LIMCH1: variants seen among roughly 807,000 people sequenced by gnomAD.
The protein encoded by LIMCH1 is LIM and calponin homology domains-containing protein 1.
LIMCH1 carries 113 observed loss-of-function variants against 176.5 expected under a neutral mutation model. That is an observed-to-expected ratio of 0.64 (90% CI 0.55 to 0.75). The LOEUF (loss-of-function observed/expected upper bound fraction) is 0.75. LIMCH1 is among the 30% of genes least tolerant of loss of function. LIMCH1 has a pLI of 0.00. For synonymous variants in LIMCH1, 619 were observed against 645.9 expected, an observed-to-expected ratio of 0.96 and a Z score of 0.63; for missense variants, 1,674 against 1,814.9, an observed-to-expected ratio of 0.92 and a Z score of 1.41.
At chr4:41,481,263 T>C (rs1388926122) in intron 1 of LIMCH1, among the ~76,000 whole-genome samples, 1 of 152,168 alleles carries the variant, frequency 6.6e-6, no homozygotes, top group African/African-American at 2.4e-5. Flanking sequence ...GGAACTATTG[T>C]TATTAAAGAA....
intron 1 of LIMCH1, among the ~76,000 whole-genome samples, chr4:41,446,334 C>CT (rs2063286421): frequency 1.3e-5 from 2 of 152,128 alleles, no homozygotes; most frequent in Non-Finnish European, 2.9e-5. Flanking sequence ...ACCTCTGAGT[C>CT]TATTAGTGTC....
Position 41,650,546 on chromosome 4 carries a change from C to G in LIMCH1, c.2974C>G (p.Gln992Glu). 6.2e-7 allele frequency: 1 copy of G among 1,613,952 alleles called. No homozygotes were observed. The highest frequency in any genetic ancestry group is 1.1e-5 in the South Asian group (1 of 91,062). Residue 992 changes from glutamine to glutamate, a missense_variant, in exon 18 of 32, where the codon CAA becomes GAA. Gln to Glu is a conservative substitution (Grantham distance 29). Around this residue, in one of 3 missense-constraint regions of LIMCH1, gnomAD observed 1,015 missense variants for 1,102.5 expected, o/e 0.92. Coordinates refer to ENST00000503057, the MANE Select transcript of LIMCH1 (RefSeq NM_001330672.2). Reference protein sequence around the residue: ...RVHGSPLELKQDNGSIEINIK... With the variant: ...RVHGSPLELKEDNGSIEINIK... ...GCACGGGTCTCCACTGGAGCTGAAA[C>G]AAGACAACGGTAGCATCGAGATCAA...
At chr4:41,419,434 A>G (rs2060250208) in intron 1 of LIMCH1, among the ~76,000 whole-genome samples, 1 of 152,002 alleles carries the variant, frequency 6.6e-6, no homozygotes, top group Non-Finnish European at 1.5e-5. Flanking sequence ...TCGGCCTCCC[A>G]AAGTGCTGGG....
intron 10 of LIMCH1, 83 bp downstream of exon 10, chr4:41,631,560 AG>A (rs2093327767): frequency 7.0e-6 from 8 of 1,135,976 alleles, no homozygotes; most frequent in Non-Finnish European, 9.7e-6. Context: ...ACATTATACA[AG>A]CCCCTAGAGA....
chr4:41,535,586 C>A (rs1400100445), upstream of LIMCH1, among the ~76,000 whole-genome samples: 1 of 152,100 alleles, frequency 6.6e-6, no homozygotes, highest in Admixed American at 6.6e-5. Context: ...AACTTAATTA[C>A]CTTCTTACAG....
chr4:41,696,961 G>A (rs1019548786), intron 31 of LIMCH1, among the ~76,000 whole-genome samples, 199 bp from the exon 32 acceptor site: 2 of 152,130 alleles, frequency 1.3e-5, no homozygotes, highest in Non-Finnish European at 2.9e-5. Context: ...TTAAGAGCCC[G>A]GATTTCAAAC....
At chr4:41,683,895 T>C (rs1718377265) in intron 26 of LIMCH1, among the ~76,000 whole-genome samples, 1 of 152,258 alleles carries the variant, frequency 6.6e-6, no homozygotes, top group South Asian at 2.1e-4. Context: ...CCTTCATTTT[T>C]GCAATTTTTT....
intron 24 of LIMCH1, 119 bp downstream of exon 24, chr4:41,680,217 C>A: frequency 1.5e-6 from 1 of 683,950 alleles, no homozygotes; most frequent in Non-Finnish European, 2.6e-6. Flanking sequence ...TTACTGACAG[C>A]AGAATCCCAT....
At position 41,698,940 on chromosome 4, in the gene LIMCH1, GA is replaced by G. The variant is rs1180011546; in HGVS notation, c.*1756del. On this transcript the variant is annotated 3_prime_UTR_variant, in exon 32 of 32. Coordinates refer to ENST00000503057, the MANE Select transcript of LIMCH1 (RefSeq NM_001330672.2). ...GATGAAGTCACTTCCAAGTTTCCAA[GA>G]CTTCTCATGGAGGTGTTTGCTGTTT... 2 of 152,262 alleles carry G rather than the reference GA, an allele frequency of 1.3e-5. No individual in the cohort carries two copies. Among genetic ancestry groups the G allele is most frequent in the Admixed American group, 1.3e-4 (2 of 15,242 alleles). The allele number at this position is 152,262 out of a possible 1,614,324, so 9.4% of individuals were successfully genotyped here.
chr4:41,690,328 G>A (rs971130627), intron 30 of LIMCH1, among the ~76,000 whole-genome samples: 9 of 152,046 alleles, frequency 5.9e-5, no homozygotes, highest in Admixed American at 5.2e-4. Context: ...ATATTTTTAC[G>A]TGAATGAATT....
chr4:41,429,998 T>G (rs2061452847), intron 1 of LIMCH1, among the ~76,000 whole-genome samples: 1 of 152,184 alleles, frequency 6.6e-6, no homozygotes. Context: ...TAACTTCACA[T>G]GGATGGGCAG....
chr4:41,523,674 G>A (rs985533918), intron 2 of LIMCH1, among the ~76,000 whole-genome samples: 1 of 152,146 alleles, frequency 6.6e-6, no homozygotes, highest in Admixed American at 6.5e-5. Flanking sequence ...TTTATAAGTT[G>A]CTTTCCTTGT....
At chr4:41,366,465 A>T (rs2053002270) in intron 1 of LIMCH1, among the ~76,000 whole-genome samples, 1 of 152,116 alleles carries the variant, frequency 6.6e-6, no homozygotes, top group Non-Finnish European at 1.5e-5. Flanking sequence ...GTTCCTTAGG[A>T]TGTGTGTGTG....
rs1307806345 is a variant in LIMCH1 at position 41,662,896 on chromosome 4, A to C, written c.3203A>C (p.Gln1068Pro). Residue 1068 changes from glutamine to proline, a missense_variant, in exon 20 of 32, where the codon CAG becomes CCG. By Grantham distance (76) the Gln-to-Pro change is moderately conservative (BLOSUM62 -1). Around this residue, in one of 3 missense-constraint regions of LIMCH1, gnomAD observed 1,015 missense variants for 1,102.5 expected, o/e 0.92. Coordinates refer to ENST00000503057, the MANE Select transcript of LIMCH1 (RefSeq NM_001330672.2). ...VAFVEFPSSP[Q>P]LKNDVSEEKD... is the part of the protein sequence containing the mutation. ...TTTGTGGAATTTCCCTCCAGCCCCC[A>C]GCTGAAGAATGATGTGTCGGAAGAA... is the stretch of plus-strand genomic sequence containing the variant. 1 of 1,614,052 alleles carries C rather than the reference A, an allele frequency of 6.2e-7. No individual in the cohort carries two copies. The highest frequency in any genetic ancestry group is 1.3e-5 in the African/African-American group (1 of 75,026).
chr4:41,684,470 A>T lies in LIMCH1; in HGVS notation c.3919A>T (p.Thr1307Ser). 2 of 1,613,830 alleles carry T rather than the reference A, an allele frequency of 1.2e-6. No individual in the cohort carries two copies. Among genetic ancestry groups the T allele is most frequent in the Admixed American group, 3.3e-5 (2 of 59,996 alleles). The change falls in exon 27 of 32, where the codon ACC (threonine) becomes TCC (serine). Residue 1307 changes from threonine (T) to serine (S), a missense_variant. Physicochemically the swap from Thr to Ser is moderately conservative, Grantham distance 58. This residue lies in a region of LIMCH1 where 1,015 missense variants were observed against 1,102.5 expected (regional missense o/e 0.92). Coordinates refer to ENST00000503057, the MANE Select transcript of LIMCH1 (RefSeq NM_001330672.2). Reference protein sequence around the residue: ...KGVHEDHQLDTEAGAPHCGTN... With the variant: ...KGVHEDHQLDSEAGAPHCGTN... ...AGTCCATGAAGACCATCAGCTGGATACCGAGGCTGGGGCCCCACACTGTGG... is the reference window on the plus strand; with the variant it reads ...AGTCCATGAAGACCATCAGCTGGATTCCGAGGCTGGGGCCCCACACTGTGG...
intron 2 of LIMCH1, among the ~76,000 whole-genome samples, chr4:41,502,906 A>ATC (rs1306155965): frequency 1.2e-4 from 15 of 125,680 alleles, no homozygotes; most frequent in African/African-American, 5.9e-4. Context: ...ACGGAGGTAA[A>ATC]TCACACACAC....
intron 21 of LIMCH1, among the ~76,000 whole-genome samples, chr4:41,668,966 G>T (rs1371294): frequency 6.6e-6 from 1 of 151,904 alleles, no homozygotes; most frequent in Non-Finnish European, 1.5e-5. Context: ...TCATGATTCA[G>T]TTACCTCCCA....
At chr4:41,455,957 A>G (rs1467218404) in intron 1 of LIMCH1, among the ~76,000 whole-genome samples, 1 of 152,236 alleles carries the variant, frequency 6.6e-6, no homozygotes, top group African/African-American at 2.4e-5. Flanking sequence ...TTACCTGGTT[A>G]GTGAATTTGC....
intron 1 of LIMCH1, among the ~76,000 whole-genome samples, chr4:41,584,393 C>T (rs2086076174): frequency 6.6e-6 from 1 of 152,152 alleles, no homozygotes; most frequent in African/African-American, 2.4e-5. Context: ...TGTGAAAATA[C>T]AAACTGTGTT....
Sources: allele counts gnomAD v4.1 joint callset (sites outside exome capture counted in the v4.1 genomes callset), GRCh38; gene constraint gnomAD v4.1.1; regional missense constraint gnomAD v4.1.1; transcripts MANE v1.5; gene names NCBI Gene and HGNC (gene_info 2026-07-23, HGNC 2026-07-21).